Variants in CRHBP observed in about 807,000 individuals in gnomAD.
CRHBP encodes the protein corticotropin releasing hormone binding protein, also known as corticotropin-releasing hormone-binding protein.
In CRHBP, 19 loss-of-function variants were observed where a neutral mutation model predicts 34.9. That is an observed-to-expected ratio of 0.55 (90% CI 0.38 to 0.80). The LOEUF is 0.80. CRHBP is among the 30% of genes least tolerant of loss of function. The pLI is 0.00. For missense variants in CRHBP, 328 were observed against 409.2 expected, an observed-to-expected ratio of 0.80 and a Z score of 1.71; for synonymous variants, 154 against 153.4, an observed-to-expected ratio of 1.00 and a Z score of -0.03.
chr5:76,972,936 C>G (rs1745967445), downstream of CRHBP, among the ~76,000 whole-genome samples: 1 of 152,136 alleles, frequency 6.6e-6, no homozygotes, highest in African/African-American at 2.4e-5. Flanking sequence ...ATATGATCCT[C>G]CACACCTTCT....
At chr5:76,957,559 T>C (rs1230722704) in intron 4 of CRHBP, among the ~76,000 whole-genome samples, 1 of 152,026 alleles carries the variant, frequency 6.6e-6, no homozygotes, top group African/African-American at 2.4e-5. Context: ...CTAATTTTTG[T>C]GTTTTTAGTA....
chr5:76,954,435 A>G (rs983380422), intron 3 of CRHBP, among the ~76,000 whole-genome samples: 1 of 152,188 alleles, frequency 6.6e-6, no homozygotes, highest in South Asian at 2.1e-4. Context: ...GGACGCTGCC[A>G]TGGTTTAAAT....
chr5:76,977,502 G>A (rs1746057708), intron 3 of CRHBP, among the ~76,000 whole-genome samples: 1 of 152,144 alleles, frequency 6.6e-6, no homozygotes, highest in Non-Finnish European at 1.5e-5. Flanking sequence ...GTGATCAGAT[G>A]TTACTATTGT....
intron 3 of CRHBP, chr5:76,980,851 T>A (rs925714321): frequency 1.3e-5 from 2 of 152,084 alleles, no homozygotes; most frequent in Non-Finnish European, 2.9e-5. Flanking sequence ...CTCCGAAAAA[T>A]TTTTCCTTGT....
chr5:76,975,827 T>A (rs13356958), intron 2 of CRHBP, among the ~76,000 whole-genome samples: 3,106 of 61,928 alleles, frequency 0.05, 100 homozygotes, highest in African/African-American at 0.12. Context: ...AAAAAAAAAA[T>A]ATATATATAT....
chr5:76,975,825 A>AAAAAAATATATAT, intron 2 of CRHBP, among the ~76,000 whole-genome samples: 1 of 61,846 alleles, frequency 1.6e-5, no homozygotes, highest in African/African-American at 9.1e-5. Context: ...AAAAAAAAAA[A>AAAAAAATATATAT]ATATATATAT....
intron 6 of CRHBP, among the ~76,000 whole-genome samples, chr5:76,967,539 T>C (rs1468617794): frequency 6.6e-6 from 1 of 152,158 alleles, no homozygotes; most frequent in Non-Finnish European, 1.5e-5. Context: ...AAATGATTAT[T>C]GTAGAGCAGA....
chr5:76,971,706 C>A (rs1253210472), downstream of CRHBP, among the ~76,000 whole-genome samples: 2 of 152,224 alleles, frequency 1.3e-5, no homozygotes, highest in African/African-American at 4.8e-5. Flanking sequence ...CCAATCCTGA[C>A]CTTGGGCAAG....
chr5:76,968,469 C>T (rs777605367), intron 6 of CRHBP, among the ~76,000 whole-genome samples: 23 of 152,146 alleles, frequency 1.5e-4, no homozygotes, highest in Admixed American at 7.2e-4. Context: ...TTGCCTCTTT[C>T]CAGCTAGTTT....
intron 5 of CRHBP, among the ~76,000 whole-genome samples, chr5:76,961,823 G>C (rs1263299796): frequency 6.6e-6 from 1 of 152,044 alleles, no homozygotes; most frequent in African/African-American, 2.4e-5. Context: ...ACGTGATCTT[G>C]GCTCACTGCA....
chr5:76,976,092 A>G (rs1418471968), intron 2 of CRHBP, among the ~76,000 whole-genome samples: 1 of 151,274 alleles, frequency 6.6e-6, no homozygotes, highest in Non-Finnish European at 1.5e-5. Context: ...CTGTGATCTT[A>G]TATATAATAA....
At chr5:76,979,701 G>A (rs904882252) in intron 3 of CRHBP, among the ~76,000 whole-genome samples, 3 of 152,036 alleles carry the variant, frequency 2.0e-5, no homozygotes, top group Non-Finnish European at 2.9e-5. Flanking sequence ...TAATGCTATT[G>A]CACACTTAGT....
At chr5:76,955,206 G>A (rs1214881025) in intron 3 of CRHBP, among the ~76,000 whole-genome samples, 1 of 152,166 alleles carries the variant, frequency 6.6e-6, no homozygotes, top group Non-Finnish European at 1.5e-5. Context: ...AGGTAAAGTT[G>A]CTGCTCCAGT....
At chr5:76,975,845 T>TATATATAC (rs1237085128) in intron 2 of CRHBP, among the ~76,000 whole-genome samples, 2 of 97,662 alleles carry the variant, frequency 2.0e-5, no homozygotes, top group African/African-American at 1.2e-4. Flanking sequence ...TATATATATA[T>TATATATAC]ACACGCATAT....
At chr5:76,969,934 C>CTTTTTTTTTT (rs201228247), downstream of CRHBP, among the ~76,000 whole-genome samples, 3 of 61,632 alleles carry the variant, frequency 4.9e-5, no homozygotes, top group African/African-American at 6.7e-5. Context: ...AAAGAAAATT[C>CTTTTTTTTTT]TTTTTTTTTT....
At chr5:76,975,825 A>AAATAT in intron 2 of CRHBP, among the ~76,000 whole-genome samples, 2 of 61,846 alleles carry the variant, frequency 3.2e-5, no homozygotes, top group Non-Finnish European at 2.7e-5. Context: ...AAAAAAAAAA[A>AAATAT]ATATATATAT....
At chr5:76,959,934 C>T (rs1309781922) in intron 5 of CRHBP, among the ~76,000 whole-genome samples, 1 of 152,120 alleles carries the variant, frequency 6.6e-6, no homozygotes, top group African/African-American at 2.4e-5. Flanking sequence ...TCCTCCCGAA[C>T]AATTTAGAGC....
intron 2 of CRHBP, among the ~76,000 whole-genome samples, chr5:76,975,826 A>AAAAAATATC (rs1746019684): frequency 4.4e-5 from 3 of 67,890 alleles, no homozygotes; most frequent in African/African-American, 9.0e-5. Context: ...AAAAAAAAAA[A>AAAAAATATC]TATATATATA....
At chr5:76,965,725 A>G (rs368242261) in intron 6 of CRHBP, among the ~76,000 whole-genome samples, 1 of 152,240 alleles carries the variant, frequency 6.6e-6, no homozygotes, top group Non-Finnish European at 1.5e-5. Context: ...TACATTACCT[A>G]GGTAACTGAA....
Sources: gnomAD v4.1 joint callset for allele counts (sites outside exome capture counted in the v4.1 genomes callset) on GRCh38, gnomAD v4.1.1 for gene constraint, MANE v1.5 for transcripts, NCBI Gene and HGNC (gene_info 2026-07-23, HGNC 2026-07-21) for gene names.